The following RBFOX1 variants were observed in gnomAD, a reference collection of about 807,000 sequenced individuals.
The protein encoded by RBFOX1 is RNA binding fox-1 homolog 1.
RBFOX1 carries 8 observed loss-of-function variants against 57.7 expected under a neutral mutation model. The observed-to-expected ratio is 0.14, with a 90% CI of 0.08 to 0.25. The LOEUF is 0.25. Among genes scored for constraint, RBFOX1 ranks in the 10% least tolerant of loss-of-function variants. The pLI is 1.00. For synonymous variants in RBFOX1, 326 were observed against 222.4 expected, an observed-to-expected ratio of 1.47 and a Z score of -4.15; for missense variants, 611 against 548.5, an observed-to-expected ratio of 1.11 and a Z score of -1.14.
chr16:7,345,814 T>C (rs778086255), intron 4 of RBFOX1, among the ~76,000 whole-genome samples: 18 of 152,222 alleles, frequency 1.2e-4, no homozygotes, highest in Non-Finnish European at 2.4e-4. Flanking sequence ...TTTCTTTTTT[T>C]AATTTTAATT....
At chr16:6,566,752 C>G (rs367767662) in intron 2 of RBFOX1, among the ~76,000 whole-genome samples, 3 of 152,134 alleles carry the variant, frequency 2.0e-5, no homozygotes, top group Admixed American at 6.5e-5. Context: ...GAAACAGGAT[C>G]TGTGTTTGAC....
chr16:6,077,120 G>A (rs1260656339), intron 1 of RBFOX1, among the ~76,000 whole-genome samples: 1 of 152,120 alleles, frequency 6.6e-6, no homozygotes, highest in African/African-American at 2.4e-5. Context: ...CGTAAAATGG[G>A]GATGACGACT....
At chr16:6,882,811 C>T (rs1019821748) in intron 3 of RBFOX1, among the ~76,000 whole-genome samples, 3 of 152,016 alleles carry the variant, frequency 2.0e-5, no homozygotes, top group Non-Finnish European at 4.4e-5. Context: ...GGTATCAATT[C>T]TCTGTTTCTT....
chr16:5,420,508 G>A (rs572352177), intron 1 of RBFOX1, among the ~76,000 whole-genome samples: 86 of 151,778 alleles, frequency 5.7e-4, no homozygotes, highest in Non-Finnish European at 1.1e-3. Context: ...TTTTTTTGTT[G>A]TTTGTTTTTT....
chr16:6,513,693 C>G (rs1381089257), intron 2 of RBFOX1, among the ~76,000 whole-genome samples: 2 of 152,116 alleles, frequency 1.3e-5, no homozygotes, highest in African/African-American at 4.8e-5. Context: ...GAAATCGCAC[C>G]ATTGCACTCC....
intron 2 of RBFOX1, among the ~76,000 whole-genome samples, chr16:5,555,617 GA>G (rs1233258098): frequency 6.6e-6 from 1 of 152,158 alleles, no homozygotes; most frequent in Non-Finnish European, 1.5e-5. Context: ...GAGAGACCGT[GA>G]AAGTTACCAT....
chr16:6,247,172 T>A (rs2097573935), intron 1 of RBFOX1, among the ~76,000 whole-genome samples: 1 of 152,200 alleles, frequency 6.6e-6, no homozygotes, highest in Non-Finnish European at 1.5e-5. Flanking sequence ...AACAATTAAA[T>A]TCAGTATGTG....
At chr16:6,370,552 G>C (rs1202399597) in intron 2 of RBFOX1, among the ~76,000 whole-genome samples, 1 of 151,960 alleles carries the variant, frequency 6.6e-6, no homozygotes, top group African/African-American at 2.4e-5. Context: ...GACAAACCTT[G>C]AAACATTACG....
chr16:7,197,844 G>T (rs369910319), intron 4 of RBFOX1, among the ~76,000 whole-genome samples: 1 of 152,144 alleles, frequency 6.6e-6, no homozygotes, highest in South Asian at 2.1e-4. Context: ...TTCCATTTCC[G>T]TGAAATATCC....
intron 1 of RBFOX1, among the ~76,000 whole-genome samples, chr16:5,285,539 C>T (rs188034147): frequency 1.4e-4 from 21 of 152,260 alleles, no homozygotes; most frequent in Non-Finnish European, 2.8e-4. Context: ...TTTCTTGCAT[C>T]CTTATGTGAC....
At chr16:6,871,246 C>T (rs554313822) in intron 3 of RBFOX1, among the ~76,000 whole-genome samples, 1 of 152,290 alleles carries the variant, frequency 6.6e-6, no homozygotes, top group South Asian at 2.1e-4. Context: ...AGTGCATTGG[C>T]ATGATCTCGG....
chr16:6,673,219 G>T (rs141376923), intron 3 of RBFOX1, among the ~76,000 whole-genome samples: 1 of 152,056 alleles, frequency 6.6e-6, no homozygotes, highest in African/African-American at 2.4e-5. Context: ...CATCCCATCT[G>T]TGTCTTCTCT....
In RBFOX1 at chr16:6,323,233, T is replaced by C. The variant is rs192318215; in HGVS notation, c.-64+6176T>C. On this transcript the variant is annotated intron_variant, in intron 2 of 15. Coordinates refer to ENST00000550418, the MANE Select transcript of RBFOX1 (RefSeq NM_018723.4). ...TAAAGAATGGAAGTTACAAGGAAGG[T>C]GTGTAAAGTAGTAGCATGGGTAAGG... Among the ~76,000 whole-genome samples the C allele has an allele frequency of 2.4e-3, 364 of 152,176 alleles. 1 individual carries two copies. Among genetic ancestry groups the C allele is most frequent in the Admixed American group, 4.1e-3 (63 of 15,278 alleles).
At chr16:5,703,755 G>A (rs2051138322) in intron 3 of RBFOX1, among the ~76,000 whole-genome samples, 1 of 152,066 alleles carries the variant, frequency 6.6e-6, no homozygotes, top group Non-Finnish European at 1.5e-5. Flanking sequence ...GTATATATGT[G>A]TGTATATGTG....
Position 6,483,041 on chromosome 16 carries a change from C to A in RBFOX1, c.-64+165984C>A, listed in dbSNP as rs931951016. 19 of 716,758 alleles carry A rather than the reference C, an allele frequency of 2.7e-5. No individual in the cohort carries two copies. The African/African-American group carries it at 2.9e-4, about 11-fold the overall frequency. 44.4% of individuals were successfully genotyped at this position (716,758 alleles called of 1,614,324 possible). A position where few individuals can be genotyped will look rare whatever the true frequency, so the allele number is the denominator to read the frequency against. On this transcript the variant is annotated intron_variant, in intron 2 of 15. Transcript: ENST00000550418. ...ACACGTGCGGGCGAGAGAGGGCGAG[C>A]GGCGAGATACCGCAGCCAGCTCGGA...
At chr16:5,864,114 C>G (rs867967016) in intron 3 of RBFOX1, among the ~76,000 whole-genome samples, 12 of 152,104 alleles carry the variant, frequency 7.9e-5, no homozygotes, top group South Asian at 6.2e-4. Context: ...TCCATGTGCT[C>G]TCATCATTTA....
chr16:6,756,820 C>G (rs1313758984), intron 3 of RBFOX1, among the ~76,000 whole-genome samples: 1 of 151,748 alleles, frequency 6.6e-6, no homozygotes. Flanking sequence ...AAAAATACAA[C>G]AAAAATTAGC....
intron 3 of RBFOX1, among the ~76,000 whole-genome samples, chr16:6,785,904 A>C (rs1274004691): frequency 6.6e-6 from 1 of 152,186 alleles, no homozygotes; most frequent in Non-Finnish European, 1.5e-5. Flanking sequence ...AGCATTTACA[A>C]AAAATGGCAC....
chr16:6,379,349 C>A (rs1000967785), intron 2 of RBFOX1, among the ~76,000 whole-genome samples: 1 of 152,096 alleles, frequency 6.6e-6, no homozygotes, highest in Non-Finnish European at 1.5e-5. Context: ...CCACACATCC[C>A]AGTTAGCCAG....
Sources: gnomAD v4.1 joint callset for allele counts (sites outside exome capture counted in the v4.1 genomes callset) on GRCh38, gnomAD v4.1.1 for gene constraint, MANE v1.5 for transcripts, NCBI Gene and HGNC (gene_info 2026-07-23, HGNC 2026-07-21) for gene names.